The following RFX7 variants were observed in gnomAD, a reference collection of about 807,000 sequenced individuals.
RFX7 encodes the protein DNA-binding protein RFX7.
Under a neutral mutation model 111.8 loss-of-function variants are expected in RFX7, and 26 were observed. The ratio of observed to expected loss-of-function variants is 0.23; its 90% CI spans 0.17 to 0.32. The LOEUF is 0.32. RFX7 is among the 10% of genes least tolerant of loss of function. The pLI, the probability that RFX7 is intolerant of heterozygous loss-of-function variation, is 1.00. For missense variants in RFX7, 1,573 were observed against 1,772.9 expected, an observed-to-expected ratio of 0.89 and a Z score of 2.02; for synonymous variants, 624 against 624.4, an observed-to-expected ratio of 1.00 and a Z score of 0.01.
chr15:56,211,500 T>C (rs2043312815), intron 2 of RFX7, among the ~76,000 whole-genome samples: 1 of 152,124 alleles, frequency 6.6e-6, no homozygotes, highest in African/African-American at 2.4e-5. Flanking sequence ...TTGTGACTTT[T>C]TAGATATAAC....
Position 56,098,670 on chromosome 15 carries a change from C to T in RFX7, c.812-294G>A, listed in dbSNP as rs77563468. Among the ~76,000 whole-genome samples, 347 of 152,292 alleles carry T rather than the reference C, an allele frequency of 2.3e-3. 7 individuals carry two copies. In the East Asian group the frequency reaches 0.042, roughly 18 times the overall value. ...AGGATTTTAAAAACCGTAGCTATAT[C>T]GTAAATGTGCAGAAGCTGAGATAAA... is the stretch of plus-strand genomic sequence containing the variant. On this transcript the variant is annotated intron_variant, in intron 8 of 9. Transcript: ENST00000559447.
At chr15:56,207,293 T>C (rs553958500) in intron 2 of RFX7, among the ~76,000 whole-genome samples, 19 of 152,074 alleles carry the variant, frequency 1.2e-4, no homozygotes, top group Non-Finnish European at 2.4e-4. Context: ...TGGGGGGGTA[T>C]TGTTTAATGG....
intron 2 of RFX7, among the ~76,000 whole-genome samples, chr15:56,234,458 C>A (rs146867173): frequency 1.3e-5 from 2 of 152,090 alleles, no homozygotes; most frequent in African/African-American, 4.8e-5. Flanking sequence ...GTGGCTCCTG[C>A]TTCAGAAAAA....
At chr15:56,243,037 T>C in intron 2 of RFX7, 88 bp downstream of exon 2, 3 of 674,250 alleles carry the variant, frequency 4.4e-6, no homozygotes, top group East Asian at 6.6e-5. Flanking sequence ...AGCCTCCTCC[T>C]CCGCTCCCCC....
intron 2 of RFX7, among the ~76,000 whole-genome samples, chr15:56,240,321 T>C (rs533396221): frequency 1.9e-4 from 29 of 152,096 alleles, no homozygotes; most frequent in Non-Finnish European, 3.7e-4. Context: ...AACTTGAAGG[T>C]ATTCATAACC....
chr15:56,137,224 G>C (rs1467416619), intron 5 of RFX7, among the ~76,000 whole-genome samples: 1 of 151,970 alleles, frequency 6.6e-6, no homozygotes, highest in Non-Finnish European at 1.5e-5. Flanking sequence ...GGTAGAATTC[G>C]GCTGTGCATC....
intron 5 of RFX7, among the ~76,000 whole-genome samples, chr15:56,105,930 T>C (rs1177311690): frequency 6.6e-6 from 1 of 152,184 alleles, no homozygotes; most frequent in Non-Finnish European, 1.5e-5. Context: ...GAGAAATAAC[T>C]GATTAGTAAT....
rs750050551 is a variant in RFX7 at position 56,094,920 on chromosome 15, A to G, written c.2808T>C (p.His936=). 28 of 1,586,296 alleles carry G rather than the reference A, an allele frequency of 1.8e-5. No homozygotes were observed. The East Asian group carries it at 5.6e-4, about 32-fold the overall frequency. ...TTGGAGTGCCATTGCTGTGGATTGG[A>G]TGATAGAAGTGGGTGCTGGAAGTGT... The part of the protein sequence containing the change: ...SSHTSSTHFY[H]PIHSNGTPIH... The change falls in exon 10 of 10, where the codon CAT becomes CAC. Residue 936 remains histidine (H), a synonymous_variant. Transcript: ENST00000559447.
intron 3 of RFX7, among the ~76,000 whole-genome samples, chr15:56,145,508 T>C (rs1470495430): frequency 6.6e-6 from 1 of 152,212 alleles, no homozygotes; most frequent in Non-Finnish European, 1.5e-5. Flanking sequence ...CTCCCAAATT[T>C]ACATTTTTAA....
At chr15:56,149,910 T>G (rs1262924082) in intron 3 of RFX7, among the ~76,000 whole-genome samples, 1 of 152,042 alleles carries the variant, frequency 6.6e-6, no homozygotes, top group African/African-American at 2.4e-5. Context: ...TCAAGTGGTC[T>G]GGCTCAGCGG....
In RFX7 at chr15:56,119,087, T is replaced by C. The variant is rs185404368; in HGVS notation, c.402-15417A>G. 4.0e-4 allele frequency among the ~76,000 whole-genome samples: 61 copies of C among 152,356 alleles called. 1 individual carries two copies. In the East Asian group the frequency reaches 0.01, roughly 26 times the overall value. On this transcript the variant is annotated intron_variant, in intron 5 of 9. Coordinates refer to ENST00000559447, the MANE Select transcript of RFX7 (RefSeq NM_022841.7). Reference sequence around the variant, plus strand: ...TTGAGCTCCTTCTATATTCTGGTTATTAATCCCTTGTCAGATGGAGAGTTT... The same window carrying C: ...TTGAGCTCCTTCTATATTCTGGTTACTAATCCCTTGTCAGATGGAGAGTTT...
In RFX7 at chr15:56,088,642, T is replaced by A. The variant is rs556378794; in HGVS notation, c.*4703A>T. 1 of 152,208 alleles carries A rather than the reference T, an allele frequency of 6.6e-6. No homozygotes were observed. The highest frequency in any genetic ancestry group is 1.9e-4 in the East Asian group (1 of 5,192). The allele number at this position is 152,208 out of a possible 1,614,324, so 9.4% of individuals were successfully genotyped here. A position where few individuals can be genotyped will look rare whatever the true frequency, so the allele number is the denominator to read the frequency against. ...GATCCCATCCATAAATTTATAACTTTAATTATTTAAAAATTCATTTATAAC... is the reference window on the plus strand; with the variant it reads ...GATCCCATCCATAAATTTATAACTTAAATTATTTAAAAATTCATTTATAAC... On this transcript the variant is annotated 3_prime_UTR_variant, in exon 10 of 10. Coordinates refer to ENST00000559447, the MANE Select transcript of RFX7 (RefSeq NM_022841.7).
At chr15:56,223,429 T>C (rs1481081149) in intron 2 of RFX7, among the ~76,000 whole-genome samples, 1 of 152,142 alleles carries the variant, frequency 6.6e-6, no homozygotes, top group Non-Finnish European at 1.5e-5. Flanking sequence ...AGCTTACCTA[T>C]TGGATTTCCC....
chr15:56,181,435 A>C (rs1292418877), intron 2 of RFX7, among the ~76,000 whole-genome samples: 2 of 152,188 alleles, frequency 1.3e-5, no homozygotes, highest in African/African-American at 4.8e-5. Flanking sequence ...TGATGTTATA[A>C]TTTTATTAAT....
At chr15:56,166,728 T>C (rs746205405) in intron 3 of RFX7, among the ~76,000 whole-genome samples, 1 of 152,098 alleles carries the variant, frequency 6.6e-6, no homozygotes, top group African/African-American at 2.4e-5. Flanking sequence ...TTTTAATTGA[T>C]TTCATAAACA....
At chr15:56,214,714 C>CAAAAAA (rs527416979) in intron 2 of RFX7, among the ~76,000 whole-genome samples, 9 of 86,882 alleles carry the variant, frequency 1.0e-4, no homozygotes, top group South Asian at 3.6e-4. Flanking sequence ...GACTCTGTCT[C>CAAAAAA]AAAAAAAAAA....
chr15:56,159,559 G>C (rs954638508), intron 3 of RFX7, among the ~76,000 whole-genome samples: 1 of 152,160 alleles, frequency 6.6e-6, no homozygotes, highest in Non-Finnish European at 1.5e-5. Flanking sequence ...GACAACAGCT[G>C]TGCTACTAGA....
At chr15:56,194,315 G>GT (rs1389329991) in intron 2 of RFX7, among the ~76,000 whole-genome samples, 3 of 151,950 alleles carry the variant, frequency 2.0e-5, no homozygotes, top group Non-Finnish European at 2.9e-5. Flanking sequence ...AGAAACAGAG[G>GT]TATCTGTGAA....
At chr15:56,188,127 A>G (rs2043061096) in intron 2 of RFX7, among the ~76,000 whole-genome samples, 1 of 152,194 alleles carries the variant, frequency 6.6e-6, no homozygotes, top group Non-Finnish European at 1.5e-5. Flanking sequence ...GAAGTTATGA[A>G]AAAAACCAAA....
Sources: allele counts gnomAD v4.1 joint callset (sites outside exome capture counted in the v4.1 genomes callset), GRCh38; gene constraint gnomAD v4.1.1; transcripts MANE v1.5; gene names NCBI Gene and HGNC (gene_info 2026-07-23, HGNC 2026-07-21).